The following ZSCAN5B variants were observed in gnomAD, a reference collection of about 807,000 sequenced individuals.
The protein encoded by ZSCAN5B is zinc finger and SCAN domain-containing protein 5B.
A neutral mutation model predicts 25.2 loss-of-function variants in ZSCAN5B; 26 were observed. The ratio of observed to expected loss-of-function variants is 1.03; its 90% confidence interval spans 0.76 to 1.43. ZSCAN5B has a LOEUF of 1.43. Ranked by LOEUF, ZSCAN5B falls within the 40% of genes most tolerant of loss-of-function variation. The pLI is 0.00. For missense variants in ZSCAN5B, 745 were observed against 622.1 expected, an observed-to-expected ratio of 1.20 and a Z score of -2.10; for synonymous variants, 244 against 240.9, an observed-to-expected ratio of 1.01 and a Z score of -0.12.
chr19:56,193,136 C>T, exon 2 of ZSCAN5B: 1 of 1,391,590 alleles, frequency 7.2e-7, no homozygotes, highest in Non-Finnish European at 9.5e-7. Flanking sequence ...ACACAGGCTG[C>T]CCCTGTTTCT....
At chr19:56,192,967 G>C (rs1487406327) in exon 2 of ZSCAN5B, 4 of 1,611,460 alleles carry the variant, frequency 2.5e-6, no homozygotes, top group Non-Finnish European at 3.4e-6. Context: ...TTGAGTTTCT[G>C]GGGACGCCAC....
exon 5 of ZSCAN5B, chr19:56,190,146 T>C: frequency 3.1e-6 from 5 of 1,614,044 alleles, no homozygotes; most frequent in Non-Finnish European, 4.2e-6. Flanking sequence ...CAAGAAGCGC[T>C]TCCGACAGAG....
At chr19:56,195,556 T>C (rs28645842) in intron 1 of ZSCAN5B, among the ~76,000 whole-genome samples, 4,150 of 151,650 alleles carry the variant, frequency 0.027, 164 homozygotes, top group African/African-American at 0.093. Context: ...GCAGCCGATA[T>C]GGGAGACAGT....
At chr19:56,193,664 T>TA (rs886089814) in intron 1 of ZSCAN5B, among the ~76,000 whole-genome samples, 75 of 152,292 alleles carry the variant, frequency 4.9e-4, no homozygotes, top group African/African-American at 1.7e-3. Context: ...GAGGTGTCAC[T>TA]AAAAAATCCT....
rs754061720 is a variant in ZSCAN5B, at chr19:56,189,983, G to A, written c.1332C>T (p.Cys444=). 54 of 1,613,858 alleles carry A rather than the reference G, an allele frequency of 3.3e-5. 3 individuals are homozygous for A. The South Asian group carries it at 5.6e-4, about 17-fold the overall frequency. Residue 444 remains cysteine (C), a synonymous_variant, in exon 5 of 5, where the codon TGC becomes TGT. Coordinates refer to ENST00000586855, the Ensembl canonical transcript of ZSCAN5B. ...TCCCCTTGTGGCTGAAAACTTTGCTGCAGTATTTACATTTAAACGGCCTCT... is the reference window on the plus strand; with the variant it reads ...TCCCCTTGTGGCTGAAAACTTTGCTACAGTATTTACATTTAAACGGCCTCT...
exon 2 of ZSCAN5B, chr19:56,192,949 T>C: frequency 6.2e-7 from 1 of 1,613,562 alleles, no homozygotes; most frequent in Non-Finnish European, 8.5e-7. Flanking sequence ...CCTGTCGTGA[T>C]TTCCAAGTTG....
intron 1 of ZSCAN5B, among the ~76,000 whole-genome samples, chr19:56,195,662 G>T (rs1317109877): frequency 1.3e-5 from 2 of 151,998 alleles, no homozygotes; most frequent in African/African-American, 4.8e-5. Flanking sequence ...TCAGGACGTG[G>T]ACTCCAAAAC....
Position 56,193,047 on chromosome 19 carries a change from A to C in ZSCAN5B, c.6T>G (p.Ala2=), listed in dbSNP as rs1214471202. 17 of 1,556,642 alleles carry C rather than the reference A, an allele frequency of 1.1e-5. No homozygotes were observed. The East Asian group carries it at 4.0e-4, about 37-fold the overall frequency. ...GACCCCATGAGAGTGTCCAATTTGC[A>C]GCCATATCTACTGGAGAATATTTCA... The change falls in exon 2 of 5, where the codon GCT becomes GCG. Residue 2 remains alanine, a synonymous_variant. Coordinates refer to ENST00000586855, the Ensembl canonical transcript of ZSCAN5B.
intron 4 of ZSCAN5B, 122 bp downstream of exon 4, chr19:56,190,715 G>C: frequency 6.5e-7 from 1 of 1,540,800 alleles, no homozygotes; most frequent in East Asian, 2.2e-5. Context: ...TAGGTCTCTG[G>C]AAAGTGGAGG....
chr19:56,192,053 A>C (rs778749176), exon 3 of ZSCAN5B: 1 of 1,609,536 alleles, frequency 6.2e-7, no homozygotes, highest in East Asian at 2.2e-5. Context: ...TTGACTATAG[A>C]CTGTAGAGAG....
At chr19:56,196,416 G>A (rs2032811075) in intron 1 of ZSCAN5B, among the ~76,000 whole-genome samples, 1 of 152,110 alleles carries the variant, frequency 6.6e-6, no homozygotes, top group Admixed American at 6.6e-5. Flanking sequence ...ACAGCATGGT[G>A]ACTATAGTTC....
chr19:56,193,054 T>C, exon 2 of ZSCAN5B: 3 of 1,545,632 alleles, frequency 1.9e-6, no homozygotes, highest in Non-Finnish European at 2.6e-6. Context: ...TGCAGCCATA[T>C]CTACTGGAGA....
At chr19:56,193,595 A>G (rs1041329555) in intron 1 of ZSCAN5B, among the ~76,000 whole-genome samples, 1 of 152,244 alleles carries the variant, frequency 6.6e-6, no homozygotes, top group African/African-American at 2.4e-5. Flanking sequence ...GTTACAACCT[A>G]CGATTGTCCC....
intron 3 of ZSCAN5B, 72 bp from the exon 4 acceptor site, chr19:56,191,059 C>T (rs1176532682): frequency 1.3e-6 from 2 of 1,598,972 alleles, no homozygotes; most frequent in Admixed American, 1.8e-5. Context: ...TCTGTCCCCT[C>T]CTGACTGGAC....
chr19:56,191,205 G>A (rs2032727702), intron 3 of ZSCAN5B, among the ~76,000 whole-genome samples: 1 of 152,088 alleles, frequency 6.6e-6, no homozygotes, highest in South Asian at 2.1e-4. Context: ...TTGGTTCTCT[G>A]AGAATATTTC....
intron 1 of ZSCAN5B, among the ~76,000 whole-genome samples, 152 bp downstream of exon 1, chr19:56,197,582 G>T (rs1432857693): frequency 1.3e-5 from 2 of 152,124 alleles, no homozygotes. Flanking sequence ...TTCATCGCCA[G>T]TCAGAGTTAA....
At chr19:56,192,642 T>G in intron 2 of ZSCAN5B, 27 bp downstream of exon 2, 1 of 1,586,458 alleles carries the variant, frequency 6.3e-7, no homozygotes, top group Non-Finnish European at 8.6e-7. Flanking sequence ...TCCCCTTCCC[T>G]GCACCAATCA....
intron 1 of ZSCAN5B, among the ~76,000 whole-genome samples, chr19:56,193,789 C>T (rs1195792387): frequency 2.6e-5 from 4 of 151,910 alleles, no homozygotes; most frequent in South Asian, 2.1e-4. Context: ...GGTGAAACCC[C>T]GTCTCTACTA....
chr19:56,191,870 C>G lies in ZSCAN5B; in HGVS notation c.568G>C (p.Ala190Pro), dbSNP rs757976812. ...CTCACCTGCCTCCTGGACAGTGCAG[C>G]GACCCTGGGCAGGATCTGCTGCTCT... Residue 190 changes from alanine to proline, a missense_variant, in exon 3 of 5, where the codon GCT (alanine) becomes CCT (proline). Physicochemically the swap from Ala to Pro is conservative, Grantham distance 27. Transcript: ENST00000586855. 1.1e-5 allele frequency: 17 copies of G among 1,613,888 alleles called. No individual in the cohort carries two copies. The highest frequency in any genetic ancestry group is 7.7e-5 in the South Asian group (7 of 91,064).
Sources: gnomAD v4.1 joint callset for allele counts (sites outside exome capture counted in the v4.1 genomes callset) on GRCh38, gnomAD v4.1.1 for gene constraint, MANE v1.5 for transcripts, NCBI Gene and HGNC (gene_info 2026-07-23, HGNC 2026-07-21) for gene names.